PLEKHA6: variants seen among roughly 807,000 people sequenced by gnomAD.
PLEKHA6 encodes pleckstrin homology domain-containing family A member 6.
PLEKHA6 carries 60 observed loss-of-function variants against 116.7 expected under a neutral mutation model. The observed-to-expected ratio is 0.51, with a 90% CI of 0.42 to 0.64. PLEKHA6 has a LOEUF of 0.64. Among genes scored for constraint, PLEKHA6 ranks in the 30% least tolerant of loss-of-function variants. The probability of loss-of-function intolerance (pLI) is 0.00; values close to 1 mark genes in which losing one functional copy is unlikely to be tolerated. For missense variants in PLEKHA6, 1,338 were observed against 1,422.7 expected, an observed-to-expected ratio of 0.94 and a Z score of 0.96; for synonymous variants, 489 against 556.1, an observed-to-expected ratio of 0.88 and a Z score of 1.70.
chr1:204,298,166 C>T (rs1190160677), intron 1 of PLEKHA6, among the ~76,000 whole-genome samples: 2 of 152,254 alleles, frequency 1.3e-5, no homozygotes, highest in Non-Finnish European at 2.9e-5. Context: ...GAGCCTGGCC[C>T]AAGCCCTTGT....
intron 17 of PLEKHA6, among the ~76,000 whole-genome samples, chr1:204,236,223 G>GT (rs1438213165): frequency 6.6e-6 from 1 of 152,196 alleles, no homozygotes; most frequent in African/African-American, 2.4e-5. Flanking sequence ...AGCTCAGGGA[G>GT]TTAAAAAAGG....
rs751789918 is a variant in PLEKHA6, at chr1:204,228,744, G to A, written c.2869C>T (p.Leu957Phe). The change falls in exon 20 of 23, where the codon CTC (leucine) becomes TTC (phenylalanine). Residue 957 changes from leucine (L) to phenylalanine (F), a missense_variant. Coordinates refer to ENST00000272203, the MANE Select transcript of PLEKHA6 (RefSeq NM_014935.5). The surrounding 1 kb of genome is among the most constrained non-coding windows in gnomAD (Gnocchi z 4.0). ...GCTGGTTACCTGGATTTGGCAATGA[G>A]TGTCTTGATCCTCTCCACCTTCTTC... ...KQKKVERIKTLIAKSSMQNVV... is the reference protein window; with the variant it reads ...KQKKVERIKTFIAKSSMQNVV... 5.0e-6 allele frequency: 8 copies of A among 1,613,912 alleles called. No homozygotes were observed. Among genetic ancestry groups the A allele is most frequent in the Non-Finnish European group, 6.8e-6 (8 of 1,179,930 alleles).
At chr1:204,362,444 G>A (rs544929688), upstream of PLEKHA6, among the ~76,000 whole-genome samples, 8 of 152,152 alleles carry the variant, frequency 5.3e-5, no homozygotes, top group South Asian at 1.2e-3. Context: ...CCAAACACAC[G>A]GGTCCTCCCC....
chr1:204,266,127 C>T (rs557454625), intron 5 of PLEKHA6, among the ~76,000 whole-genome samples: 1 of 152,304 alleles, frequency 6.6e-6, no homozygotes, highest in South Asian at 2.1e-4. Context: ...ATCACATCTA[C>T]ACGATACTTG....
chr1:204,333,203 G>C (rs1326772582), intron 1 of PLEKHA6, among the ~76,000 whole-genome samples: 2 of 152,214 alleles, frequency 1.3e-5, no homozygotes, highest in African/African-American at 4.8e-5. Flanking sequence ...GGAAGGAAGG[G>C]ACAGGGGCAG....
chr1:204,346,889 T>A (rs769656597), intron 1 of PLEKHA6: 409 of 1,321,320 alleles, frequency 3.1e-4, no homozygotes, highest in Non-Finnish European at 4.2e-4. Flanking sequence ...TGAATCCAGG[T>A]AACTTTCTCT....
chr1:204,284,742 A>G (rs1330378989), intron 1 of PLEKHA6, among the ~76,000 whole-genome samples: 1 of 152,072 alleles, frequency 6.6e-6, no homozygotes, highest in Non-Finnish European at 1.5e-5. Context: ...CCTTAAGGAA[A>G]AGGGTAAGGC....
chr1:204,367,642 C>T (rs1673688512), intron 3 of PLEKHA6, among the ~76,000 whole-genome samples: 1 of 152,204 alleles, frequency 6.6e-6, no homozygotes, highest in Admixed American at 6.5e-5. Flanking sequence ...ACGTTCCCAT[C>T]TCTATCTCAG....
intron 2 of PLEKHA6, chr1:204,368,890 T>A (rs947816672): frequency 6.6e-6 from 1 of 152,240 alleles, no homozygotes; most frequent in African/African-American, 2.4e-5. Context: ...TATGAAGTCT[T>A]ACGAAGCATA....
chr1:204,331,421 G>C lies in PLEKHA6; in HGVS notation c.-95+28273C>G, dbSNP rs114574429. 7.5e-3 allele frequency among the ~76,000 whole-genome samples: 1,134 copies of C among 152,150 alleles called. 11 individuals carry two copies. The highest frequency in any genetic ancestry group is 0.025 in the African/African-American group (1,020 of 41,516). On this transcript the variant is annotated intron_variant, in intron 1 of 22. Coordinates refer to ENST00000272203, the MANE Select transcript of PLEKHA6 (RefSeq NM_014935.5). Reference sequence around the variant, plus strand: ...GCCCAGCCCAGCGACCCATGCTACAGCCAACCCCACCTTGGGCAAACAGCT... The same window carrying C: ...GCCCAGCCCAGCGACCCATGCTACACCCAACCCCACCTTGGGCAAACAGCT...
intron 1 of PLEKHA6, among the ~76,000 whole-genome samples, chr1:204,338,516 A>G (rs991745227): frequency 2.0e-5 from 3 of 152,202 alleles, no homozygotes; most frequent in Admixed American, 1.3e-4. Flanking sequence ...GCCCTTTTCT[A>G]TGCCAGGAAC....
intron 21 of PLEKHA6, among the ~76,000 whole-genome samples, chr1:204,227,197 C>G (rs1321311788): frequency 6.6e-6 from 1 of 152,214 alleles, no homozygotes; most frequent in African/African-American, 2.4e-5. Flanking sequence ...CACACCTGCT[C>G]TAGCTTCTCT....
chr1:204,376,274 C>T (rs1293760017), intron 1 of PLEKHA6, among the ~76,000 whole-genome samples: 1 of 152,178 alleles, frequency 6.6e-6, no homozygotes, highest in Non-Finnish European at 1.5e-5. Flanking sequence ...TGGAAATTCA[C>T]ATTCTAAGAC....
At chr1:204,304,122 A>G (rs1671067305) in intron 1 of PLEKHA6, among the ~76,000 whole-genome samples, 1 of 152,170 alleles carries the variant, frequency 6.6e-6, no homozygotes, top group South Asian at 2.1e-4. Flanking sequence ...TGTTTCTCAC[A>G]CTATTCCCAA....
rs1666613253 is a variant in PLEKHA6 at position 204,265,061 on chromosome 1, C to T, written c.281-19G>A. 6.5e-6 allele frequency: 10 copies of T among 1,549,052 alleles called. No individual in the cohort carries two copies. Among genetic ancestry groups the T allele is most frequent in the South Asian group, 1.1e-5 (1 of 89,294 alleles). Reference sequence around the variant, plus strand: ...TTCTCATCTGTCAGGGAGAGAGGCACAAGAAGGGTGTGTGTGTGTGTGTGC... The same window carrying T: ...TTCTCATCTGTCAGGGAGAGAGGCATAAGAAGGGTGTGTGTGTGTGTGTGC... On this transcript the variant is annotated intron_variant, in intron 5 of 22. Coordinates refer to ENST00000272203, the MANE Select transcript of PLEKHA6 (RefSeq NM_014935.5).
chr1:204,294,777 C>T (rs1285195778), intron 1 of PLEKHA6, among the ~76,000 whole-genome samples: 1 of 152,114 alleles, frequency 6.6e-6, no homozygotes, highest in African/African-American at 2.4e-5. Context: ...ATATACGGAC[C>T]TTCTTCATGG....
chr1:204,250,051 C>T lies in PLEKHA6; in HGVS notation c.1593+495G>A, dbSNP rs374857513. Reference sequence around the variant, plus strand: ...GCACCTGGCAGAACCTATTATGGCTCCCCTTCACTACATGAATACCGTGTT... The same window carrying T: ...GCACCTGGCAGAACCTATTATGGCTTCCCTTCACTACATGAATACCGTGTT... On this transcript the variant is annotated intron_variant, in intron 10 of 22. Coordinates refer to ENST00000272203, the MANE Select transcript of PLEKHA6 (RefSeq NM_014935.5). Among the ~76,000 whole-genome samples the T allele has an allele frequency of 3.3e-5, 5 of 152,316 alleles. No homozygotes were observed. The South Asian group carries it at 6.2e-4, about 19-fold the overall frequency.
intron 17 of PLEKHA6, among the ~76,000 whole-genome samples, chr1:204,234,437 C>A (rs1225445395): frequency 3.3e-5 from 5 of 152,168 alleles, no homozygotes; most frequent in African/African-American, 2.4e-5. Flanking sequence ...CTCCTGGCAG[C>A]CCTAGGAAAT....
chr1:204,346,769 A>T, intron 1 of PLEKHA6: 1 of 942,130 alleles, frequency 1.1e-6, no homozygotes, highest in Non-Finnish European at 1.7e-6. Context: ...TTTTTTTTTA[A>T]CACCTATTAT....
Sources: allele counts gnomAD v4.1 joint callset (sites outside exome capture counted in the v4.1 genomes callset), GRCh38; gene constraint gnomAD v4.1.1; non-coding constraint Gnocchi (gnomAD v3.1); transcripts MANE v1.5; gene names NCBI Gene and HGNC (gene_info 2026-07-23, HGNC 2026-07-21).